PRKCE: variants seen among roughly 807,000 people sequenced by gnomAD.
The protein encoded by PRKCE is protein kinase C epsilon.
A neutral mutation model predicts 85.4 loss-of-function variants in PRKCE; 16 were observed. The observed-to-expected ratio is 0.19, with a 90% CI of 0.13 to 0.28. PRKCE has a LOEUF of 0.28. Among genes scored for constraint, PRKCE ranks in the 10% least tolerant of loss-of-function variants. PRKCE has a pLI of 1.00. For synonymous variants in PRKCE, 388 were observed against 371.5 expected, an observed-to-expected ratio of 1.04 and a Z score of -0.51; for missense variants, 573 against 975.2, an observed-to-expected ratio of 0.59 and a Z score of 5.49.
intron 1 of PRKCE, among the ~76,000 whole-genome samples, chr2:45,744,187 T>C (rs2104672000): frequency 6.6e-6 from 1 of 152,296 alleles, no homozygotes; most frequent in Admixed American, 6.5e-5. Flanking sequence ...TGAGACATAA[T>C]AGATACAATA....
chr2:45,920,458 A>G (rs145955091), intron 2 of PRKCE, among the ~76,000 whole-genome samples: 7 of 152,364 alleles, frequency 4.6e-5, no homozygotes, highest in Non-Finnish European at 1.0e-4. Context: ...GTGCATGCAT[A>G]TTCATAGCAG....
intron 11 of PRKCE, among the ~76,000 whole-genome samples, chr2:46,114,830 GGTGT>G (rs1177780817): frequency 6.6e-6 from 1 of 152,074 alleles, no homozygotes; most frequent in Non-Finnish European, 1.5e-5. Context: ...GTTTAAAATA[GGTGT>G]GTGTGTGGTT....
intron 2 of PRKCE, among the ~76,000 whole-genome samples, chr2:45,938,937 C>T (rs1204545953): frequency 1.3e-5 from 2 of 152,166 alleles, no homozygotes; most frequent in African/African-American, 4.8e-5. Context: ...ATTCAGCGCT[C>T]TGCCCTCTGG....
At chr2:45,813,954 G>C (rs7371310) in intron 1 of PRKCE, among the ~76,000 whole-genome samples, 121,221 of 152,156 alleles carry the variant, frequency 0.8, 48,826 homozygotes, top group African/African-American at 0.94. Context: ...AAATTCATAA[G>C]TGAGTATCAT....
At chr2:45,742,006 T>A (rs1040558375) in intron 1 of PRKCE, among the ~76,000 whole-genome samples, 4 of 152,194 alleles carry the variant, frequency 2.6e-5, no homozygotes, top group Non-Finnish European at 5.9e-5. Flanking sequence ...GAGTGTGGGC[T>A]TTCTGTGTTC....
chr2:45,791,765 C>A (rs1418586519), intron 1 of PRKCE, among the ~76,000 whole-genome samples: 1 of 152,218 alleles, frequency 6.6e-6, no homozygotes, highest in Admixed American at 6.5e-5. Flanking sequence ...TAAAGGGTCA[C>A]TGAGGCTCAG....
chr2:45,676,585 C>G (rs530968771), intron 1 of PRKCE: 1 of 152,172 alleles, frequency 6.6e-6, no homozygotes, highest in East Asian at 1.9e-4. Flanking sequence ...TAGCCCAGTC[C>G]GTACAAACAC....
At position 46,145,296 on chromosome 2, in the gene PRKCE, A is replaced by C; in HGVS notation, c.1731+65A>C. ...AGGACCGAGGCAGGGGTCCAAACCC[A>C]TGCACTGGGGTCATCTAGTGGTGCT... On this transcript the variant is annotated intron_variant, in intron 12 of 14. Transcript: ENST00000306156. This position sits in a 1 kb window ranked among gnomAD's most constrained non-coding sequence, Gnocchi z 4.6. The C allele has an allele frequency of 6.3e-7, 1 of 1,576,214 alleles. No homozygotes were observed. Among genetic ancestry groups the C allele is most frequent in the Non-Finnish European group, 8.6e-7 (1 of 1,161,118 alleles).
In PRKCE at chr2:45,843,072, G is replaced by A; in HGVS notation, c.412+9G>A. 1 of 1,613,084 alleles carries A rather than the reference G, an allele frequency of 6.2e-7. No individual in the cohort carries two copies. The highest frequency in any genetic ancestry group is 8.5e-7 in the Non-Finnish European group (1 of 1,179,046). Reference sequence around the variant, plus strand: ...AGGGTCGTCGGGTGAAGGTAGGAGAGCGTGACTTCTCATCCCTGTTTTCTT... The same window carrying A: ...AGGGTCGTCGGGTGAAGGTAGGAGAACGTGACTTCTCATCCCTGTTTTCTT... On this transcript the variant is annotated intron_variant, in intron 2 of 14. Transcript: ENST00000306156.
chr2:45,807,069 G>T (rs77411386), intron 1 of PRKCE, among the ~76,000 whole-genome samples: 1 of 152,184 alleles, frequency 6.6e-6, no homozygotes, highest in Non-Finnish European at 1.5e-5. Flanking sequence ...GGGCTGGCAC[G>T]GGCTGGGGAG....
At chr2:46,097,362 C>CA (rs200124135) in intron 11 of PRKCE, among the ~76,000 whole-genome samples, 21,208 of 150,776 alleles carry the variant, frequency 0.14, 1,610 homozygotes, top group Middle Eastern at 0.23. Context: ...ACTAAATATA[C>CA]AAAAAAAATT....
chr2:46,187,103 ATTC>A lies in PRKCE; in HGVS notation c.*2223_*2225del, dbSNP rs1680501208. The A allele has an allele frequency of 2.6e-5, 4 of 152,652 alleles. No individual in the cohort carries two copies. Among genetic ancestry groups the A allele is most frequent in the African/African-American group, 9.6e-5 (4 of 41,458 alleles). 9.5% of individuals were successfully genotyped at this position (152,652 alleles called of 1,614,324 possible). A position where few individuals can be genotyped will look rare whatever the true frequency, so the allele number is the denominator to read the frequency against. ...AAGACATGATAATACTGCCCATCATATTCATGTGTAACTACTGTTCTTTCTTCT... is the reference window on the plus strand; with the variant it reads ...AAGACATGATAATACTGCCCATCATAATGTGTAACTACTGTTCTTTCTTCT... On this transcript the variant is annotated 3_prime_UTR_variant, in exon 15 of 15. Transcript: ENST00000306156.
intron 11 of PRKCE, among the ~76,000 whole-genome samples, chr2:46,133,260 G>T (rs549758757): frequency 4.6e-5 from 7 of 152,314 alleles, no homozygotes; most frequent in Admixed American, 1.3e-4. Flanking sequence ...TGTGATGACA[G>T]AGTGCTGGCT....
chr2:45,825,253 G>C (rs1689849993), intron 1 of PRKCE, among the ~76,000 whole-genome samples: 1 of 152,202 alleles, frequency 6.6e-6, no homozygotes, highest in African/African-American at 2.4e-5. Flanking sequence ...GCCTAAGTAA[G>C]AGAGCACCTT....
intron 1 of PRKCE, among the ~76,000 whole-genome samples, chr2:45,784,583 G>T (rs1021536779): frequency 5.3e-5 from 8 of 151,572 alleles, no homozygotes; most frequent in South Asian, 4.2e-4. Context: ...GGGTTAGAGG[G>T]TCTAGAGAAG....
At chr2:46,018,487 T>TA (rs1706361126) in intron 10 of PRKCE, among the ~76,000 whole-genome samples, 1 of 152,102 alleles carries the variant, frequency 6.6e-6, no homozygotes, top group African/African-American at 2.4e-5. Context: ...AAAATTTTTT[T>TA]AAAAAAAGCC....
At chr2:46,064,415 G>A (rs761867535) in intron 10 of PRKCE, among the ~76,000 whole-genome samples, 6 of 152,064 alleles carry the variant, frequency 3.9e-5, no homozygotes, top group Non-Finnish European at 7.4e-5. Flanking sequence ...TCACTTCTCA[G>A]TAATTGGCAA....
At chr2:45,836,145 A>G (rs994030368) in intron 1 of PRKCE, among the ~76,000 whole-genome samples, 5 of 152,228 alleles carry the variant, frequency 3.3e-5, no homozygotes, top group Non-Finnish European at 5.9e-5. Context: ...GCCAACATGT[A>G]GAAATCTGTA....
At chr2:45,781,190 A>G (rs1686159446) in intron 1 of PRKCE, among the ~76,000 whole-genome samples, 1 of 152,060 alleles carries the variant, frequency 6.6e-6, no homozygotes, top group Non-Finnish European at 1.5e-5. Context: ...TAATAAAAAA[A>G]AAAGCCTGGT....
Sources: gnomAD v4.1 joint callset for allele counts (sites outside exome capture counted in the v4.1 genomes callset) on GRCh38, gnomAD v4.1.1 for gene constraint, Gnocchi (gnomAD v3.1) non-coding constraint, MANE v1.5 for transcripts, NCBI Gene and HGNC (gene_info 2026-07-23, HGNC 2026-07-21) for gene names.